SH3BP4: variants seen among roughly 807,000 people sequenced by gnomAD.
SH3BP4 encodes SH3 domain-binding protein 4.
In SH3BP4, 33 loss-of-function variants were observed where a neutral mutation model predicts 65.5. That is an observed-to-expected ratio of 0.50 (90% CI 0.38 to 0.67). The LOEUF is 0.67. Ranked by LOEUF, SH3BP4 falls within the 30% of genes least tolerant of loss-of-function variation. The probability of loss-of-function intolerance (pLI) is 0.00; values close to 1 mark genes in which losing one functional copy is unlikely to be tolerated. For synonymous variants in SH3BP4, 552 were observed against 545.5 expected (o/e 1.01, Z -0.17); for missense variants, 1,134 against 1,261.4 (o/e 0.90, Z 1.53).
chr2:235,009,797 AC>A (rs145800480), intron 2 of SH3BP4, among the ~76,000 whole-genome samples: 7,685 of 150,076 alleles, frequency 0.051, 270 homozygotes, highest in Middle Eastern at 0.072. Context: ...CCAGGAGAAA[AC>A]CCTCTACCTT....
chr2:235,001,100 A>C (rs1052249718), intron 2 of SH3BP4, among the ~76,000 whole-genome samples: 1 of 152,226 alleles, frequency 6.6e-6, no homozygotes, highest in Non-Finnish European at 1.5e-5. Context: ...AATTATAAAC[A>C]GTGTTGACAG....
At chr2:235,007,694 A>AAGAG (rs1324243984) in intron 2 of SH3BP4, among the ~76,000 whole-genome samples, 2 of 152,144 alleles carry the variant, frequency 1.3e-5, no homozygotes, top group East Asian at 3.9e-4. Flanking sequence ...AGTGGGGAAG[A>AAGAG]AGAGACCAGG....
rs551913698 is a variant in SH3BP4 at position 235,042,056 on chromosome 2, G to A, written c.1287G>A (p.Pro429=). ...DSKEGPYVSV[P]LNCSCGDTVQ... ...AGGAAGGGCCATATGTCTCCGTCCCGCTCAACTGCAGCTGTGGGGACACGG... is the reference window on the plus strand; with the variant it reads ...AGGAAGGGCCATATGTCTCCGTCCCACTCAACTGCAGCTGTGGGGACACGG... The change falls in exon 4 of 6, where the codon CCG becomes CCA. Residue 429 remains proline (P), a synonymous_variant. Transcript: ENST00000392011. This position sits in a 1 kb window ranked among gnomAD's most constrained non-coding sequence, Gnocchi z 7.3. 2.0e-5 allele frequency: 33 copies of A among 1,614,050 alleles called. No homozygotes were observed. The highest frequency in any genetic ancestry group is 2.0e-4 in the East Asian group (9 of 44,872).
intron 1 of SH3BP4, among the ~76,000 whole-genome samples, chr2:234,958,380 C>G (rs971998644): frequency 4.6e-5 from 7 of 152,084 alleles, no homozygotes; most frequent in African/African-American, 1.7e-4. Context: ...TGGGGAGAGG[C>G]ACACGAGGCC....
In SH3BP4 at chr2:234,977,094, A is replaced by G. The variant is rs533713357; in HGVS notation, c.-206-18209A>G. 5.3e-5 allele frequency among the ~76,000 whole-genome samples: 8 copies of G among 152,322 alleles called. No homozygotes were observed. The highest frequency in any genetic ancestry group is 1.7e-4 in the African/African-American group (7 of 41,572). On this transcript the variant is annotated intron_variant, in intron 1 of 5. Coordinates refer to ENST00000392011, the MANE Select transcript of SH3BP4 (RefSeq NM_014521.3). The surrounding 1 kb of genome is among the most constrained non-coding windows in gnomAD (Gnocchi z 5.1). ...TCTGTATTATCTCCACGACTTTTCT[A>G]TGAATTTAAATCTATCCTAAAAGAA...
chr2:235,038,835 G>A (rs1193899757), intron 3 of SH3BP4, among the ~76,000 whole-genome samples: 1 of 152,100 alleles, frequency 6.6e-6, no homozygotes, highest in African/African-American at 2.4e-5. Flanking sequence ...CTTAAAATAT[G>A]TGTGGTGCTA....
chr2:234,959,217 G>A (rs1276435406), intron 1 of SH3BP4, among the ~76,000 whole-genome samples: 1 of 152,196 alleles, frequency 6.6e-6, no homozygotes, highest in Non-Finnish European at 1.5e-5. Flanking sequence ...ACACACCCGA[G>A]GAACCTGCAC....
intron 2 of SH3BP4, among the ~76,000 whole-genome samples, chr2:235,000,737 G>T (rs1694072583): frequency 6.6e-6 from 1 of 152,222 alleles, no homozygotes; most frequent in African/African-American, 2.4e-5. Flanking sequence ...CCTCGCATTT[G>T]GCAGAAGAGA....
intron 4 of SH3BP4, among the ~76,000 whole-genome samples, chr2:235,049,576 C>T (rs1164549591): frequency 6.6e-6 from 1 of 152,188 alleles, no homozygotes; most frequent in Non-Finnish European, 1.5e-5. Context: ...AACTACACAC[C>T]CTCCTGACAC....
intron 4 of SH3BP4, among the ~76,000 whole-genome samples, chr2:235,051,976 A>T (rs1696069447): frequency 6.6e-6 from 1 of 152,182 alleles, no homozygotes; most frequent in African/African-American, 2.4e-5. Context: ...ACCACAAACC[A>T]AGGGACATCA....
At chr2:234,954,972 C>T (rs1287798785) in intron 1 of SH3BP4, among the ~76,000 whole-genome samples, 7 of 152,126 alleles carry the variant, frequency 4.6e-5, no homozygotes, top group African/African-American at 1.7e-4. Context: ...TTGTTTTGAC[C>T]GAGTAGGAGC....
At chr2:235,024,222 T>C (rs768476500) in intron 2 of SH3BP4, among the ~76,000 whole-genome samples, 2 of 152,228 alleles carry the variant, frequency 1.3e-5, no homozygotes, top group Non-Finnish European at 2.9e-5. Context: ...AAGGTCTGGC[T>C]GAGAGGCAGA....
At position 235,042,628 on chromosome 2, in the gene SH3BP4, C is replaced by T. The variant is rs1695706214; in HGVS notation, c.1859C>T (p.Ser620Phe). 1 of 1,614,012 alleles carries T rather than the reference C, an allele frequency of 6.2e-7. No homozygotes were observed. Among genetic ancestry groups the T allele is most frequent in the African/African-American group, 1.3e-5 (1 of 74,912 alleles). The change falls in exon 4 of 6, where the codon TCC (serine) becomes TTC (phenylalanine). Residue 620 changes from serine (S) to phenylalanine (F), a missense_variant. Transcript: ENST00000392011. This position sits in a 1 kb window ranked among gnomAD's most constrained non-coding sequence, Gnocchi z 7.3. ...CCCCCTAAAAGTGCCATCAAGCCTT[C>T]CGGGCAAAGGAGGTTTCTCAAGAAG... is the stretch of plus-strand genomic sequence containing the variant. ...QPPPKSAIKP[S>F]GQRRFLKKNE...
Position 235,034,521 on chromosome 2 carries a change from A to T in SH3BP4, c.-132-350A>T, listed in dbSNP as rs191889811. 6.6e-6 allele frequency among the ~76,000 whole-genome samples: 1 copy of T among 152,144 alleles called. No individual in the cohort carries two copies. The highest frequency in any genetic ancestry group is 1.5e-5 in the Non-Finnish European group (1 of 68,016). ...CCGAGCCCTGCAGCTAGCAGCATGA[A>T]CTGTACAGTCCTGCGCTGTCCTCCT... On this transcript the variant is annotated intron_variant, in intron 2 of 5. Coordinates refer to ENST00000392011, the MANE Select transcript of SH3BP4 (RefSeq NM_014521.3). This position sits in a 1 kb window ranked among gnomAD's most constrained non-coding sequence, Gnocchi z 6.2.
At position 235,035,222 on chromosome 2, in the gene SH3BP4, C is replaced by T; in HGVS notation, c.118+102C>T. On this transcript the variant is annotated intron_variant, in intron 3 of 5. Transcript: ENST00000392011. This position sits in a 1 kb window ranked among gnomAD's most constrained non-coding sequence, Gnocchi z 5.0. ...CTTTAAAGATTGCCAGTTTAGCATT[C>T]AGATAGTTAAAGTTTAGTTCTTTAA... 1 of 847,828 alleles carries T rather than the reference C, an allele frequency of 1.2e-6. No homozygotes were observed. Among genetic ancestry groups the T allele is most frequent in the Non-Finnish European group, 2.0e-6 (1 of 495,844 alleles). The allele number at this position is 847,828 out of a possible 1,614,324, so 52.5% of individuals were successfully genotyped here. A position where few individuals can be genotyped will look rare whatever the true frequency, so the allele number is the denominator to read the frequency against.
intron 4 of SH3BP4, among the ~76,000 whole-genome samples, chr2:235,050,081 GTGTC>G (rs1426059666): frequency 1.3e-5 from 2 of 152,130 alleles, no homozygotes; most frequent in African/African-American, 4.8e-5. Flanking sequence ...GAGGAGCTGA[GTGTC>G]TGGCTCACAG....
intron 2 of SH3BP4, among the ~76,000 whole-genome samples, chr2:235,031,341 A>G (rs140132195): frequency 6.6e-6 from 1 of 152,216 alleles, no homozygotes; most frequent in African/African-American, 2.4e-5. Flanking sequence ...CCCCATCATC[A>G]ATAATAAACA....
Position 235,018,449 on chromosome 2 carries a change from A to G in SH3BP4, c.-132-16422A>G, listed in dbSNP as rs529694725. Among the ~76,000 whole-genome samples the G allele has an allele frequency of 5.3e-5, 8 of 152,206 alleles. No individual in the cohort carries two copies. The South Asian group carries it at 6.2e-4, about 12-fold the overall frequency. The stretch of plus-strand genomic sequence containing the variant: ...GCTGCCACTTCCCTCTTAAACACCA[A>G]TGTTAGTTACCACAGCATCTAGCAT... On this transcript the variant is annotated intron_variant, in intron 2 of 5. Coordinates refer to ENST00000392011, the MANE Select transcript of SH3BP4 (RefSeq NM_014521.3).
At chr2:235,003,266 C>T (rs1694188077) in intron 2 of SH3BP4, among the ~76,000 whole-genome samples, 2 of 152,222 alleles carry the variant, frequency 1.3e-5, no homozygotes. Flanking sequence ...CCAGCGTGAC[C>T]GAGGAGAACT....
Sources: allele counts gnomAD v4.1 joint callset (sites outside exome capture counted in the v4.1 genomes callset), GRCh38; gene constraint gnomAD v4.1.1; non-coding constraint Gnocchi (gnomAD v3.1); transcripts MANE v1.5; gene names NCBI Gene and HGNC (gene_info 2026-07-23, HGNC 2026-07-21).